Variants in MYCBP2 observed in about 807,000 individuals in gnomAD.
MYCBP2 encodes E3 ubiquitin-protein ligase MYCBP2.
A neutral mutation model predicts 525.3 loss-of-function variants in MYCBP2; 120 were observed. The observed-to-expected ratio is 0.23, with a 90% CI of 0.20 to 0.27. MYCBP2 has a LOEUF of 0.27. Among genes scored for constraint, MYCBP2 ranks in the 10% least tolerant of loss-of-function variants. The pLI is 1.00. For synonymous variants in MYCBP2, 1,894 were observed against 1,955.8 expected, an observed-to-expected ratio of 0.97 and a Z score of 0.83; for missense variants, 4,149 against 5,657.1, an observed-to-expected ratio of 0.73 and a Z score of 8.55.
chr13:77,150,989 T>A, intron 46 of MYCBP2, 40 bp from the exon 47 acceptor site: 1 of 1,505,010 alleles, frequency 6.6e-7, no homozygotes, highest in Non-Finnish European at 9.2e-7. Flanking sequence ...CATTATTATT[T>A]AATTGTCACT....
chr13:77,261,308 A>C lies in MYCBP2; in HGVS notation c.1715T>G (p.Val572Gly). Residue 572 changes from valine (V) to glycine (G), a missense_variant, in exon 12 of 83, where the codon GTT becomes GGT. Coordinates refer to ENST00000544440, the MANE Select transcript of MYCBP2 (RefSeq NM_015057.5). ...KQGGPSAGKWVELPITKSPKI... is the reference protein window; with the variant it reads ...KQGGPSAGKWGELPITKSPKI... ...TGGAGATTTTGTAATTGGTAGCTCA[A>C]CCCATTTTCCTGCTGAAGGACCACC... 1 of 1,613,282 alleles carries C rather than the reference A, an allele frequency of 6.2e-7. No individual in the cohort carries two copies. The highest frequency in any genetic ancestry group is 8.5e-7 in the Non-Finnish European group (1 of 1,179,656).
chr13:77,227,469 CACACACACACAT>C (rs1268776332), intron 18 of MYCBP2, among the ~76,000 whole-genome samples: 10 of 113,422 alleles, frequency 8.8e-5, no homozygotes, highest in Admixed American at 4.4e-4. Flanking sequence ...AGCCTACACA[CACACACACACAT>C]ACACACACAC....
In MYCBP2 at chr13:77,156,210, T is replaced by C; in HGVS notation, c.6771-8A>G. 1 of 1,607,872 alleles carries C rather than the reference T, an allele frequency of 6.2e-7. No homozygotes were observed. The highest frequency in any genetic ancestry group is 8.5e-7 in the Non-Finnish European group (1 of 1,175,822). On this transcript the variant is annotated splice_region_variant and splice_polypyrimidine_tract_variant and intron_variant, in intron 45 of 82. Coordinates refer to ENST00000544440, the MANE Select transcript of MYCBP2 (RefSeq NM_015057.5). ...GAATCTGGCTGAAGCCACCTAACAG[T>C]AATGAAAAACAAATAAACAAAACCC...
In MYCBP2 at chr13:77,212,243, A is replaced by G. The variant is rs144180857; in HGVS notation, c.3058-83T>C. 40 of 1,228,408 alleles carry G rather than the reference A, an allele frequency of 3.3e-5. No individual in the cohort carries two copies. In the African/African-American group the frequency reaches 5.9e-4, roughly 18 times the overall value. 76.1% of individuals were successfully genotyped at this position (1,228,408 alleles called of 1,614,324 possible). On this transcript the variant is annotated intron_variant, in intron 21 of 82. Coordinates refer to ENST00000544440, the MANE Select transcript of MYCBP2 (RefSeq NM_015057.5). ...TAAAGTTAAGGAGGCAGTAGATAAAAATCAATCTATGAAACCTTATTTTTC... is the reference window on the plus strand; with the variant it reads ...TAAAGTTAAGGAGGCAGTAGATAAAGATCAATCTATGAAACCTTATTTTTC...
intron 26 of MYCBP2, among the ~76,000 whole-genome samples, chr13:77,195,907 T>C (rs1423727263): frequency 6.6e-6 from 1 of 152,208 alleles, no homozygotes; most frequent in East Asian, 1.9e-4. Flanking sequence ...TAATAATTTG[T>C]CCCCAATCTG....
intron 30 of MYCBP2, among the ~76,000 whole-genome samples, chr13:77,186,543 G>T (rs2060734788): frequency 6.6e-6 from 1 of 151,924 alleles, no homozygotes; most frequent in Admixed American, 6.6e-5. Flanking sequence ...ATTAAAATTT[G>T]CAATACAAAC....
intron 56 of MYCBP2, among the ~76,000 whole-genome samples, chr13:77,096,728 A>T (rs959800398): frequency 6.6e-5 from 10 of 152,190 alleles, no homozygotes; most frequent in African/African-American, 2.4e-4. Flanking sequence ...AAAGAGAGAT[A>T]GAATATAGGT....
chr13:77,109,724 A>C (rs2048463188), intron 55 of MYCBP2: 1 of 152,204 alleles, frequency 6.6e-6, no homozygotes, highest in African/African-American at 2.4e-5. Context: ...AAAGTCAGAG[A>C]TCCTGAATGG....
intron 73 of MYCBP2, 36 bp downstream of exon 73, chr13:77,064,579 C>A (rs1409967317): frequency 1.3e-6 from 2 of 1,554,006 alleles, no homozygotes; most frequent in East Asian, 2.4e-5. Flanking sequence ...TGATACACAC[C>A]AAATTTAAAA....
At chr13:77,129,686 A>G (rs953771494) in intron 52 of MYCBP2, 1 of 152,088 alleles carries the variant, frequency 6.6e-6, no homozygotes, top group Non-Finnish European at 1.5e-5. Context: ...GTTTACGTGA[A>G]CTTATCACTT....
intron 55 of MYCBP2, among the ~76,000 whole-genome samples, chr13:77,105,237 A>G (rs1346213087): frequency 6.6e-6 from 1 of 152,102 alleles, no homozygotes; most frequent in Non-Finnish European, 1.5e-5. Flanking sequence ...AGCACACATA[A>G]AACAGAAATG....
intron 62 of MYCBP2, among the ~76,000 whole-genome samples, chr13:77,084,321 C>T (rs78147268): frequency 3.3e-5 from 5 of 152,158 alleles, no homozygotes; most frequent in African/African-American, 9.7e-5. Context: ...GTAAGCCCAT[C>T]AAACTTTTTA....
chr13:77,317,102 A>C (rs1459545619), intron 1 of MYCBP2, among the ~76,000 whole-genome samples: 1 of 152,142 alleles, frequency 6.6e-6, no homozygotes, highest in Non-Finnish European at 1.5e-5. Flanking sequence ...AGCACGCGCC[A>C]ACATGCCCGG....
chr13:77,231,553 A>G (rs926950403), intron 18 of MYCBP2, among the ~76,000 whole-genome samples: 1 of 152,206 alleles, frequency 6.6e-6, no homozygotes, highest in Non-Finnish European at 1.5e-5. Flanking sequence ...GCCTCACTGA[A>G]TAATTTCTAT....
At position 77,077,232 on chromosome 13, in the gene MYCBP2, T is replaced by G; in HGVS notation, c.11640A>C (p.Ile3880=). ...LGWKDGESTK[I]AGQISASVAQ... Reference sequence around the variant, plus strand: ...CCACACTGGCTGAAATCTGGCCAGCTATTTTTGTGCTTTCACCATCTTTCC... The same window carrying G: ...CCACACTGGCTGAAATCTGGCCAGCGATTTTTGTGCTTTCACCATCTTTCC... The change falls in exon 67 of 83, where the codon ATA becomes ATC. Residue 3880 remains isoleucine, a synonymous_variant. Transcript: ENST00000544440. The G allele has an allele frequency of 6.2e-7, 1 of 1,614,090 alleles. No individual in the cohort carries two copies. Among genetic ancestry groups the G allele is most frequent in the Non-Finnish European group, 8.5e-7 (1 of 1,179,978 alleles).
At chr13:77,204,708 C>CTGGTG (rs2063094393) in intron 26 of MYCBP2, among the ~76,000 whole-genome samples, 2 of 129,276 alleles carry the variant, frequency 1.5e-5, no homozygotes, top group Non-Finnish European at 3.3e-5. Context: ...CCATGGAATA[C>CTGGTG]TATGCAGCCA....
intron 18 of MYCBP2, among the ~76,000 whole-genome samples, chr13:77,226,102 T>C (rs1044361274): frequency 3.9e-5 from 6 of 152,190 alleles, no homozygotes; most frequent in African/African-American, 1.4e-4. Flanking sequence ...ATTCAATATA[T>C]TGCAGTTCAA....
At chr13:77,234,740 T>C (rs1050429814) in intron 17 of MYCBP2, among the ~76,000 whole-genome samples, 1 of 152,058 alleles carries the variant, frequency 6.6e-6, no homozygotes, top group African/African-American at 2.4e-5. Flanking sequence ...CCTTATTTTC[T>C]TAACATGCAT....
chr13:77,208,131 A>AT (rs1566929347), intron 23 of MYCBP2, among the ~76,000 whole-genome samples: 2 of 151,986 alleles, frequency 1.3e-5, no homozygotes, highest in Non-Finnish European at 2.9e-5. Context: ...ACATCCTCTC[A>AT]TTTTTTCTTT....
Sources: allele counts gnomAD v4.1 joint callset (sites outside exome capture counted in the v4.1 genomes callset), GRCh38; gene constraint gnomAD v4.1.1; transcripts MANE v1.5; gene names NCBI Gene and HGNC (gene_info 2026-07-23, HGNC 2026-07-21).